Variants in KIF16B observed in about 807,000 individuals in gnomAD.
The protein encoded by KIF16B is kinesin-like protein KIF16B.
A neutral mutation model predicts 156.3 loss-of-function variants in KIF16B; 98 were observed. The ratio of observed to expected loss-of-function variants is 0.63; its 90% CI spans 0.53 to 0.74. The LOEUF (loss-of-function observed/expected upper bound fraction) is 0.74. KIF16B is among the 30% of genes least tolerant of loss of function. KIF16B has a pLI of 0.00. For missense variants in KIF16B, 1,421 were observed against 1,606.5 expected, an observed-to-expected ratio of 0.88 and a Z score of 1.97; for synonymous variants, 564 against 583.7, an observed-to-expected ratio of 0.97 and a Z score of 0.49.
At chr20:16,316,649 A>G (rs2063701771) in intron 24 of KIF16B, among the ~76,000 whole-genome samples, 1 of 152,132 alleles carries the variant, frequency 6.6e-6, no homozygotes, top group African/African-American at 2.4e-5. Context: ...GTAAAATAAT[A>G]ATATAGCTAA....
intron 17 of KIF16B, 45 bp downstream of exon 17, chr20:16,404,768 G>A: frequency 7.0e-7 from 1 of 1,434,290 alleles, no homozygotes; most frequent in South Asian, 1.2e-5. Flanking sequence ...CACAATAAAT[G>A]CAAAAGTGAT....
intron 12 of KIF16B, among the ~76,000 whole-genome samples, chr20:16,479,743 T>C (rs144056223): frequency 1.2e-3 from 180 of 152,310 alleles, no homozygotes; most frequent in Non-Finnish European, 1.5e-3. Context: ...TACAGGTTTG[T>C]AGCCTAGGAG....
chr20:16,408,423 G>A (rs1357334446), intron 15 of KIF16B, among the ~76,000 whole-genome samples: 2 of 152,052 alleles, frequency 1.3e-5, no homozygotes, highest in East Asian at 1.9e-4. Flanking sequence ...TGCCTTTTAC[G>A]ACTAGGACTA....
intron 14 of KIF16B, among the ~76,000 whole-genome samples, chr20:16,427,637 G>T (rs181188956): frequency 7.9e-5 from 12 of 152,170 alleles, no homozygotes; most frequent in South Asian, 2.1e-4. Flanking sequence ...AAGCAAAAGT[G>T]CTCCATGGGT....
intron 12 of KIF16B, among the ~76,000 whole-genome samples, chr20:16,442,828 A>G (rs2066839336): frequency 6.6e-6 from 1 of 152,160 alleles, no homozygotes; most frequent in Admixed American, 6.6e-5. Flanking sequence ...TTTAGGAAAA[A>G]GCAAGAAGGT....
At chr20:16,464,817 C>T (rs919797733) in intron 12 of KIF16B, among the ~76,000 whole-genome samples, 4 of 152,166 alleles carry the variant, frequency 2.6e-5, no homozygotes, top group Admixed American at 1.3e-4. Context: ...GCATCCCAAC[C>T]GCCTAAAAGT....
At chr20:16,490,095 G>A (rs1418583486) in intron 12 of KIF16B, among the ~76,000 whole-genome samples, 2 of 152,140 alleles carry the variant, frequency 1.3e-5, no homozygotes, top group African/African-American at 2.4e-5. Flanking sequence ...GTTGTTATAG[G>A]CTGGATTACG....
At chr20:16,300,095 T>C (rs1467015446) in intron 25 of KIF16B, among the ~76,000 whole-genome samples, 1 of 152,182 alleles carries the variant, frequency 6.6e-6, no homozygotes, top group Non-Finnish European at 1.5e-5. Flanking sequence ...TTACATGTGA[T>C]TACGACATAT....
chr20:16,530,234 C>T (rs1040178499), intron 1 of KIF16B, among the ~76,000 whole-genome samples: 2 of 152,188 alleles, frequency 1.3e-5, no homozygotes, highest in Non-Finnish European at 2.9e-5. Flanking sequence ...AACACGGCTC[C>T]CAGTGATTGC....
intron 12 of KIF16B, among the ~76,000 whole-genome samples, chr20:16,432,054 T>G (rs1489180030): frequency 6.6e-6 from 1 of 151,710 alleles, no homozygotes; most frequent in Non-Finnish European, 1.5e-5. Flanking sequence ...CACACAGAGT[T>G]CAGTGGAATG....
At chr20:16,335,802 T>C (rs76057907) in intron 24 of KIF16B, 124 bp downstream of exon 24, 5 of 582,206 alleles carry the variant, frequency 8.6e-6, no homozygotes, top group Non-Finnish European at 1.5e-5. Context: ...TAAGACTTAG[T>C]GACACTAATA....
At chr20:16,479,652 T>C (rs2067922879) in intron 12 of KIF16B, among the ~76,000 whole-genome samples, 1 of 152,238 alleles carries the variant, frequency 6.6e-6, no homozygotes, top group East Asian at 1.9e-4. Flanking sequence ...GTATTTTTAC[T>C]GTACCTTTCC....
chr20:16,533,587 A>G (rs2179904), intron 1 of KIF16B, among the ~76,000 whole-genome samples: 117,251 of 152,186 alleles, frequency 0.77, 45,155 homozygotes, highest in Admixed American at 0.81. Context: ...ACAGAATATG[A>G]ATGGATATAC....
At chr20:16,332,125 C>CT (rs1284508080) in intron 24 of KIF16B, among the ~76,000 whole-genome samples, 4 of 151,978 alleles carry the variant, frequency 2.6e-5, no homozygotes, top group African/African-American at 7.3e-5. Context: ...AGAAATAATT[C>CT]TTTTTTCCCA....
At chr20:16,463,806 C>A (rs1330713718) in intron 12 of KIF16B, among the ~76,000 whole-genome samples, 1 of 152,098 alleles carries the variant, frequency 6.6e-6, no homozygotes, top group East Asian at 1.9e-4. Context: ...TGGCTCTCAA[C>A]AAAATTAAAG....
intron 4 of KIF16B, among the ~76,000 whole-genome samples, chr20:16,514,594 A>C (rs1208589521): frequency 5.3e-5 from 8 of 150,028 alleles, no homozygotes; most frequent in Non-Finnish European, 1.0e-4. Flanking sequence ...AAAAAAAAAA[A>C]AAAAAAAAAA....
At chr20:16,340,996 C>T (rs1183194632) in intron 23 of KIF16B, among the ~76,000 whole-genome samples, 1 of 152,030 alleles carries the variant, frequency 6.6e-6, no homozygotes, top group African/African-American at 2.4e-5. Flanking sequence ...TCCAATACAC[C>T]CCCTTCTGCC....
At chr20:16,290,680 C>A (rs1372321435) in intron 25 of KIF16B, among the ~76,000 whole-genome samples, 1 of 152,166 alleles carries the variant, frequency 6.6e-6, no homozygotes, top group Admixed American at 6.5e-5. Context: ...CAGGGTCAAG[C>A]CCTAGGTGTG....
At chr20:16,290,594 T>C (rs185105541) in intron 25 of KIF16B, among the ~76,000 whole-genome samples, 2 of 152,302 alleles carry the variant, frequency 1.3e-5, no homozygotes, top group Admixed American at 1.3e-4. Flanking sequence ...TGAGACTGTT[T>C]GCCTTGGAGA....
Sources: gnomAD v4.1 joint callset for allele counts (sites outside exome capture counted in the v4.1 genomes callset) on GRCh38, gnomAD v4.1.1 for gene constraint, MANE v1.5 for transcripts, NCBI Gene and HGNC (gene_info 2026-07-23, HGNC 2026-07-21) for gene names.